The following DLG1 variants were observed in gnomAD, a reference collection of about 807,000 sequenced individuals.
DLG1 encodes the protein discs large MAGUK scaffold protein 1.
In DLG1, 42 loss-of-function variants were observed where a neutral mutation model predicts 123.4. The ratio of observed to expected loss-of-function variants is 0.34; its 90% confidence interval spans 0.27 to 0.44. The LOEUF is 0.44. Among genes scored for constraint, DLG1 ranks in the 20% least tolerant of loss-of-function variants. The pLI is 1.00. For missense variants in DLG1, 942 were observed against 1,082.6 expected (o/e 0.87, Z 1.82); for synonymous variants, 317 against 356.2 (o/e 0.89, Z 1.24).
intron 11 of DLG1, among the ~76,000 whole-genome samples, chr3:197,121,970 T>C (rs1232089724): frequency 1.3e-5 from 2 of 151,990 alleles, no homozygotes; most frequent in Admixed American, 6.6e-5. Context: ...GACAGATAGA[T>C]AGCTTCATTG....
chr3:197,113,312 T>C (rs1170503827), intron 13 of DLG1, among the ~76,000 whole-genome samples: 3 of 152,160 alleles, frequency 2.0e-5, no homozygotes, highest in African/African-American at 7.2e-5. Context: ...ATGAGATTCT[T>C]CTTCTTTTCC....
chr3:197,291,675 G>A (rs111537288), intron 3 of DLG1, among the ~76,000 whole-genome samples: 1 of 152,204 alleles, frequency 6.6e-6, no homozygotes, highest in African/African-American at 2.4e-5. Context: ...AAGTATCTAT[G>A]GATTCAGATT....
intron 4 of DLG1, among the ~76,000 whole-genome samples, chr3:197,252,690 T>C (rs904164826): frequency 8.5e-5 from 13 of 152,186 alleles, no homozygotes; most frequent in African/African-American, 3.1e-4. Context: ...ATTTCACAAA[T>C]GTATTTAATA....
chr3:197,242,184 T>TA lies in DLG1; in HGVS notation c.318+40494dup, dbSNP rs530337481. Among the ~76,000 whole-genome samples the TA allele has an allele frequency of 3.3e-3, 495 of 151,584 alleles. 1 individual carries two copies. The highest frequency in any genetic ancestry group is 5.5e-3 in the Non-Finnish European group (373 of 67,824). ...AAAGTGGACTACAAATCAAAGACTG[T>TA]AAAAAAAAGACAAAGAAGGTCACTA... is the stretch of plus-strand genomic sequence containing the variant. On this transcript the variant is annotated intron_variant, in intron 4 of 24. Transcript: ENST00000667157.
intron 4 of DLG1, among the ~76,000 whole-genome samples, chr3:197,277,303 A>G (rs1431510613): frequency 6.6e-6 from 1 of 151,180 alleles, no homozygotes; most frequent in Non-Finnish European, 1.5e-5. Context: ...GAAATGTCCC[A>G]TTAAATCAGG....
At chr3:197,214,862 T>A (rs374722172) in intron 4 of DLG1, among the ~76,000 whole-genome samples, 49 of 152,238 alleles carry the variant, frequency 3.2e-4, no homozygotes, top group African/African-American at 1.1e-3. Context: ...AAGATGTTCA[T>A]CCTCCCACTC....
intron 14 of DLG1, among the ~76,000 whole-genome samples, chr3:197,103,728 A>C (rs1263748712): frequency 6.7e-6 from 1 of 150,236 alleles, no homozygotes; most frequent in Non-Finnish European, 1.5e-5. Flanking sequence ...TTGATCAGCT[A>C]AAAAACATAC....
intron 6 of DLG1, among the ~76,000 whole-genome samples, chr3:197,148,754 T>C (rs548153424): frequency 3.9e-5 from 6 of 152,286 alleles, no homozygotes; most frequent in East Asian, 1.9e-4. Context: ...CTTTGTGATG[T>C]TGGATTATGC....
chr3:197,053,743 C>T (rs1199102216), intron 23 of DLG1, among the ~76,000 whole-genome samples: 1 of 148,078 alleles, frequency 6.8e-6, no homozygotes, highest in Non-Finnish European at 1.5e-5. Flanking sequence ...CACTGCACTC[C>T]AGCCTGGGAG....
intron 11 of DLG1, among the ~76,000 whole-genome samples, chr3:197,127,465 T>TATATATATATATATATATATATAA (rs1780190924): frequency 3.0e-5 from 1 of 32,862 alleles, no homozygotes; most frequent in African/African-American, 1.7e-4. Context: ...AAAATATATA[T>TATATATATATATATATATATATAA]ATATATATAT....
intron 4 of DLG1, among the ~76,000 whole-genome samples, chr3:197,203,815 G>A (rs1322280289): frequency 2.6e-5 from 4 of 152,122 alleles, no homozygotes; most frequent in Admixed American, 6.5e-5. Context: ...TGTATTGCTC[G>A]GGCAGGCAAG....
intron 4 of DLG1, among the ~76,000 whole-genome samples, chr3:197,255,632 G>A (rs1756486580): frequency 6.6e-6 from 1 of 151,928 alleles, no homozygotes; most frequent in South Asian, 2.1e-4. Flanking sequence ...TCCCACCATG[G>A]AATATTACAC....
chr3:197,058,884 C>A (rs189054851), intron 23 of DLG1, among the ~76,000 whole-genome samples: 1 of 152,180 alleles, frequency 6.6e-6, no homozygotes, highest in Admixed American at 6.5e-5. Flanking sequence ...AATGTACGAA[C>A]AGATCTTCCT....
At chr3:197,248,142 A>C (rs1752653429) in intron 4 of DLG1, among the ~76,000 whole-genome samples, 1 of 152,142 alleles carries the variant, frequency 6.6e-6, no homozygotes, top group Admixed American at 6.5e-5. Flanking sequence ...CACTAGGAAT[A>C]CTTTACCACC....
chr3:197,118,827 A>T lies in DLG1; in HGVS notation c.1286+583T>A, dbSNP rs200932193. 2.6e-5 allele frequency among the ~76,000 whole-genome samples: 4 copies of T among 152,292 alleles called. No homozygotes were observed. The East Asian group carries it at 7.7e-4, about 29-fold the overall frequency. The stretch of plus-strand genomic sequence containing the variant: ...AATTTTGTGTGTCAGAATATCAAGG[A>T]TATATAGCAAACAAACAAACCCACC... On this transcript the variant is annotated intron_variant, in intron 12 of 24. Coordinates refer to ENST00000667157, the MANE Select transcript of DLG1 (RefSeq NM_001366207.1).
intron 5 of DLG1, among the ~76,000 whole-genome samples, chr3:197,181,488 A>C (rs182033115): frequency 6.6e-6 from 1 of 152,318 alleles, no homozygotes; most frequent in African/African-American, 2.4e-5. Context: ...TTAGTGCTGC[A>C]AAAGAAAGCT....
At position 197,090,924 on chromosome 3, in the gene DLG1, G is replaced by T; in HGVS notation, c.1649C>A (p.Ser550Tyr). The change falls in exon 15 of 25, where the codon TCC becomes TAC. Residue 550 changes from serine to tyrosine, a missense_variant. By Grantham distance (144) the Ser-to-Tyr change is moderately radical. Coordinates refer to ENST00000667157, the MANE Select transcript of DLG1 (RefSeq NM_001366207.1). ...TAAAAAAATTTACCTGACATAGAGG[G>T]ATCGCTTCTGGCTAGTTCGAAGAGA... is the stretch of plus-strand genomic sequence containing the variant. ...SGSLRTSQKR[S>Y]LYVRALFDYD... 6.2e-7 allele frequency: 1 copy of T among 1,600,190 alleles called. No homozygotes were observed.
intron 4 of DLG1, among the ~76,000 whole-genome samples, chr3:197,277,174 G>C (rs1766858498): frequency 6.6e-6 from 1 of 151,024 alleles, no homozygotes; most frequent in South Asian, 2.1e-4. Flanking sequence ...TTACAGGCAT[G>C]AGCCACTGCG....
intron 12 of DLG1, 136 bp from the exon 13 acceptor site, chr3:197,116,219 A>C: frequency 1.5e-6 from 1 of 673,242 alleles, no homozygotes; most frequent in South Asian, 2.8e-5. Context: ...TGGTTTTTCT[A>C]AAACTACGAG....
Sources: allele counts gnomAD v4.1 joint callset (sites outside exome capture counted in the v4.1 genomes callset), GRCh38; gene constraint gnomAD v4.1.1; transcripts MANE v1.5; gene names NCBI Gene and HGNC (gene_info 2026-07-23, HGNC 2026-07-21).